The following SDK2 variants were observed in gnomAD, a reference collection of about 807,000 sequenced individuals.
SDK2 encodes protein sidekick-2.
Under a neutral mutation model 253.9 loss-of-function variants are expected in SDK2, and 105 were observed. The observed-to-expected ratio is 0.41, with a 90% CI of 0.35 to 0.49. The LOEUF (loss-of-function observed/expected upper bound fraction) is 0.49, where lower values mean the gene tolerates loss of function less well. SDK2 is among the 20% of genes least tolerant of loss of function. SDK2 has a pLI of 0.06. For synonymous variants in SDK2, 1,249 were observed against 1,234.9 expected (o/e 1.01, Z -0.24); for missense variants, 2,608 against 3,003.0 (o/e 0.87, Z 3.07).
chr17:73,643,957 T>TGCCCCCCCCCCCC lies in SDK2; in HGVS notation c.64+67_64+68insGGGGGGGGGGGGC. On this transcript the variant is annotated intron_variant, in intron 1 of 44. Transcript: ENST00000392650. The surrounding 1 kb of genome is among the most constrained non-coding windows in gnomAD (Gnocchi z 6.9). The stretch of plus-strand genomic sequence containing the variant: ...GGAGGTCACCGTGAGGCCGGCCAGC[T>TGCCCCCCCCCCCC]CCCGCCGCCCCTCCCCCGCCCACTC... The TGCCCCCCCCCCCC allele has an allele frequency of 3.9e-6, 4 of 1,019,984 alleles. No homozygotes were observed. The highest frequency in any genetic ancestry group is 4.4e-6 in the Non-Finnish European group (3 of 674,872). The allele number at this position is 1,019,984 out of a possible 1,614,324, so 63.2% of individuals were successfully genotyped here. A position where few individuals can be genotyped will look rare whatever the true frequency, so the allele number is the denominator to read the frequency against.
At chr17:73,414,788 T>G in intron 17 of SDK2, 29 bp from the exon 18 acceptor site, 10 of 1,384,462 alleles carry the variant, frequency 7.2e-6, no homozygotes, top group Non-Finnish European at 1.0e-5. Context: ...CGGGGTGGGG[T>G]GGAGGGGGCC....
intron 18 of SDK2, among the ~76,000 whole-genome samples, chr17:73,411,341 G>A (rs780831444): frequency 1.3e-5 from 2 of 152,186 alleles, no homozygotes; most frequent in Non-Finnish European, 2.9e-5. Context: ...AACCGCTAAG[G>A]CAGCGAGTCC....
chr17:73,425,406 A>G (rs1232222721), intron 12 of SDK2, among the ~76,000 whole-genome samples: 1 of 152,370 alleles, frequency 6.6e-6, no homozygotes, highest in East Asian at 1.9e-4. Context: ...CCGCCCGGAT[A>G]GGCAGTGCAC....
chr17:73,556,192 C>T (rs970774707), intron 1 of SDK2, among the ~76,000 whole-genome samples: 21 of 152,190 alleles, frequency 1.4e-4, no homozygotes, highest in African/African-American at 3.9e-4. Context: ...GCCACTGAGG[C>T]AGATCACCAA....
chr17:73,542,949 G>A (rs1453166021), intron 1 of SDK2, among the ~76,000 whole-genome samples: 1 of 152,176 alleles, frequency 6.6e-6, no homozygotes, highest in East Asian at 1.9e-4. Flanking sequence ...AGCGAGACTC[G>A]GATCTGGGGA....
rs570911207 is a variant in SDK2 at position 73,570,449 on chromosome 17, G to A, written c.65-62852C>T. Among the ~76,000 whole-genome samples, 4 of 152,236 alleles carry A rather than the reference G, an allele frequency of 2.6e-5. No individual in the cohort carries two copies. Among genetic ancestry groups the A allele is most frequent in the East Asian group, 3.9e-4 (2 of 5,162 alleles). On this transcript the variant is annotated intron_variant, in intron 1 of 44. Transcript: ENST00000392650. This position sits in a 1 kb window ranked among gnomAD's most constrained non-coding sequence, Gnocchi z 4.2. ...GCTGGCTGGGTGAGCAGTTGGTGCC[G>A]CTTTGCCATTTGCCACTAGATTAGC... is the stretch of plus-strand genomic sequence containing the variant.
intron 3 of SDK2, among the ~76,000 whole-genome samples, chr17:73,461,529 A>T (rs1482826886): frequency 2.6e-5 from 4 of 152,212 alleles, no homozygotes; most frequent in Non-Finnish European, 1.5e-5. Flanking sequence ...TGGGAGGGGA[A>T]GTACGTGAAG....
At chr17:73,518,726 G>A (rs2064051332) in intron 1 of SDK2, 1 of 152,200 alleles carries the variant, frequency 6.6e-6, no homozygotes, top group Non-Finnish European at 1.5e-5. Flanking sequence ...AGATTCATTT[G>A]AGCTATAAAA....
intron 1 of SDK2, among the ~76,000 whole-genome samples, chr17:73,527,858 T>C (rs1484720876): frequency 6.6e-6 from 1 of 152,126 alleles, no homozygotes; most frequent in Admixed American, 6.6e-5. Context: ...AGAAAAATGA[T>C]GCTGAGGGGA....
rs576562792 is a variant in SDK2 at position 73,581,704 on chromosome 17, C to T, written c.64+62321G>A. On this transcript the variant is annotated intron_variant, in intron 1 of 44. Transcript: ENST00000392650. ...CTTGCCCAGGGCTTTTCTCAAAGGA[C>T]ACCTCGGGGAGGCAGCCCCTCTTCT... 9.2e-5 allele frequency among the ~76,000 whole-genome samples: 14 copies of T among 152,334 alleles called. No individual in the cohort carries two copies. The South Asian group carries it at 2.9e-3, about 32-fold the overall frequency.
At chr17:73,602,340 G>T (rs1018294388) in intron 1 of SDK2, among the ~76,000 whole-genome samples, 15 of 152,292 alleles carry the variant, frequency 9.8e-5, no homozygotes, top group Admixed American at 4.6e-4. Flanking sequence ...GGCAGAGCAA[G>T]GACGGGGAGC....
chr17:73,373,767 C>T (rs1271187101), intron 36 of SDK2, among the ~76,000 whole-genome samples: 1 of 152,114 alleles, frequency 6.6e-6, no homozygotes, highest in African/African-American at 2.4e-5. Context: ...AGCGATTCTC[C>T]TGCCTCAGCC....
chr17:73,371,271 G>A (rs762211392), intron 36 of SDK2, among the ~76,000 whole-genome samples: 7 of 152,188 alleles, frequency 4.6e-5, no homozygotes, highest in Admixed American at 3.3e-4. Flanking sequence ...TCTTCCGTGA[G>A]TGCACACTGG....
At chr17:73,421,115 C>T (rs2063226227) in intron 15 of SDK2, among the ~76,000 whole-genome samples, 1 of 152,224 alleles carries the variant, frequency 6.6e-6, no homozygotes, top group South Asian at 2.1e-4. Flanking sequence ...TGTGTATCTC[C>T]AGATGCACTG....
intron 44 of SDK2, among the ~76,000 whole-genome samples, chr17:73,340,461 T>C (rs1218024015): frequency 6.6e-6 from 1 of 152,204 alleles, no homozygotes; most frequent in Non-Finnish European, 1.5e-5. Flanking sequence ...TCATATAATA[T>C]GTGGTCTTTT....
intron 40 of SDK2, among the ~76,000 whole-genome samples, chr17:73,354,821 C>T (rs1245347571): frequency 6.6e-6 from 1 of 152,176 alleles, no homozygotes; most frequent in African/African-American, 2.4e-5. Context: ...CTGGTTGAAG[C>T]TGCTCTCCCG....
In SDK2 at chr17:73,612,462, G is replaced by A. The variant is rs901208640; in HGVS notation, c.64+31563C>T. Among the ~76,000 whole-genome samples the A allele has an allele frequency of 6.6e-6, 1 of 152,180 alleles. No individual in the cohort carries two copies. Among genetic ancestry groups the A allele is most frequent in the African/African-American group, 2.4e-5 (1 of 41,452 alleles). On this transcript the variant is annotated intron_variant, in intron 1 of 44. Transcript: ENST00000392650. This position sits in a 1 kb window ranked among gnomAD's most constrained non-coding sequence, Gnocchi z 4.4. ...CCCCTACCCTCACTGGGTCCTTGTG[G>A]CCCTGCCGGGGTGAGGGTAGAAGAG...
intron 18 of SDK2, among the ~76,000 whole-genome samples, chr17:73,407,586 T>C (rs1568386624): frequency 1.3e-5 from 2 of 152,184 alleles, no homozygotes; most frequent in African/African-American, 4.8e-5. Flanking sequence ...ATTTAGTCTT[T>C]ATTTTTTCTG....
intron 18 of SDK2, among the ~76,000 whole-genome samples, chr17:73,412,010 G>C (rs1275122756): frequency 6.6e-5 from 5 of 75,216 alleles, no homozygotes; most frequent in African/African-American, 3.1e-4. Flanking sequence ...ACATATATAT[G>C]TAGATATACG....
Sources: allele counts gnomAD v4.1 joint callset (sites outside exome capture counted in the v4.1 genomes callset), GRCh38; gene constraint gnomAD v4.1.1; non-coding constraint Gnocchi (gnomAD v3.1); transcripts MANE v1.5; gene names NCBI Gene and HGNC (gene_info 2026-07-23, HGNC 2026-07-21).